Variants in PTPRF observed in about 807,000 individuals in gnomAD.
The protein encoded by PTPRF is receptor-type tyrosine-protein phosphatase F.
PTPRF carries 59 observed loss-of-function variants against 201.8 expected under a neutral mutation model. That is an observed-to-expected ratio of 0.29 (90% confidence interval 0.24 to 0.36). The LOEUF is 0.36. Ranked by LOEUF, PTPRF falls within the 10% of genes least tolerant of loss-of-function variation. The pLI is 1.00. For synonymous variants in PTPRF, 1,088 were observed against 1,089.7 expected, an observed-to-expected ratio of 1.00 and a Z score of 0.03; for missense variants, 2,132 against 2,690.5, an observed-to-expected ratio of 0.79 and a Z score of 4.59.
Position 43,588,967 on chromosome 1 carries a change from A to G in PTPRF, c.916A>G (p.Met306Val). ...YTCVAISSLG[M>V]IEATAQVTVK... ...CTGTGTGGCCATCTCCTCGCTGGGCATGATCGAGGCCACAGCCCAGGTCAC... is the reference window on the plus strand; with the variant it reads ...CTGTGTGGCCATCTCCTCGCTGGGCGTGATCGAGGCCACAGCCCAGGTCAC... The change falls in exon 8 of 34, where the codon ATG (methionine) becomes GTG (valine). Residue 306 changes from methionine to valine, a missense_variant. Met to Val is a conservative substitution (Grantham distance 21, BLOSUM62 1). Coordinates refer to ENST00000359947, the MANE Select transcript of PTPRF (RefSeq NM_002840.5). The surrounding 1 kb of genome is among the most constrained non-coding windows in gnomAD (Gnocchi z 5.3). 6.4e-7 allele frequency: 1 copy of G among 1,574,066 alleles called. No homozygotes were observed. Among genetic ancestry groups the G allele is most frequent in the Non-Finnish European group, 8.7e-7 (1 of 1,155,146 alleles).
At chr1:43,577,848 G>T (rs372169007) in intron 6 of PTPRF, among the ~76,000 whole-genome samples, 1 of 152,224 alleles carries the variant, frequency 6.6e-6, no homozygotes, top group African/African-American at 2.4e-5. Context: ...CCAGGGAGGG[G>T]TGTGCTGCCT....
At chr1:43,593,069 G>A (rs1349759219) in intron 11 of PTPRF, among the ~76,000 whole-genome samples, 1 of 152,216 alleles carries the variant, frequency 6.6e-6, no homozygotes, top group Non-Finnish European at 1.5e-5. Context: ...TGAGAGCCAT[G>A]TGATCACCCT....
At chr1:43,618,592 T>C (rs368166705) in intron 25 of PTPRF, 38 bp from the exon 26 acceptor site, 4 of 1,578,810 alleles carry the variant, frequency 2.5e-6, no homozygotes, top group African/African-American at 2.7e-5. Flanking sequence ...TCTGAGCCTG[T>C]GGGCTTCCTT....
At chr1:43,613,761 C>G in intron 23 of PTPRF, 46 bp downstream of exon 23, 1 of 1,515,642 alleles carries the variant, frequency 6.6e-7, no homozygotes. Flanking sequence ...CAGGCCTACC[C>G]AAACCAGCTC....
At chr1:43,587,674 A>G (rs1032100007) in intron 7 of PTPRF, among the ~76,000 whole-genome samples, 4 of 152,182 alleles carry the variant, frequency 2.6e-5, no homozygotes, top group Admixed American at 6.5e-5. Flanking sequence ...GCTCTTGGGT[A>G]CTGACTAGCC....
rs371089879 is a variant in PTPRF, at chr1:43,604,238, G to C, written c.3037+49G>C. The C allele has an allele frequency of 8.3e-5, 131 of 1,575,314 alleles. 1 individual carries two copies. In the African/African-American group the frequency reaches 1.3e-3, roughly 15 times the overall value. Reference sequence around the variant, plus strand: ...CCTTCCCGAGTGTGGCTGCATCTGGGGGTCTCTGCTCTCCTTGAGCCACTG... The same window carrying C: ...CCTTCCCGAGTGTGGCTGCATCTGGCGGTCTCTGCTCTCCTTGAGCCACTG... On this transcript the variant is annotated intron_variant, in intron 16 of 33. Coordinates refer to ENST00000359947, the MANE Select transcript of PTPRF (RefSeq NM_002840.5).
At chr1:43,574,097 A>G (rs972980197) in intron 6 of PTPRF, among the ~76,000 whole-genome samples, 1 of 145,780 alleles carries the variant, frequency 6.9e-6, no homozygotes, top group African/African-American at 2.5e-5. Flanking sequence ...CCCAGGTTCA[A>G]GCAATTCTCC....
intron 13 of PTPRF, 24 bp downstream of exon 13, chr1:43,598,937 G>A (rs1447332993): frequency 1.9e-6 from 3 of 1,606,930 alleles, no homozygotes; most frequent in Non-Finnish European, 2.5e-6. Context: ...TGGTGGTGGG[G>A]TGGCAGGGTG....
intron 3 of PTPRF, among the ~76,000 whole-genome samples, chr1:43,547,620 G>A (rs1644761699): frequency 6.6e-6 from 1 of 152,270 alleles, no homozygotes; most frequent in South Asian, 2.1e-4. Flanking sequence ...AGGCACCCCA[G>A]AGAATTGACA....
intron 33 of PTPRF, among the ~76,000 whole-genome samples, chr1:43,621,473 A>ACT (rs1192535999): frequency 6.6e-6 from 1 of 152,214 alleles, no homozygotes; most frequent in African/African-American, 2.4e-5. Context: ...ATACCACGGC[A>ACT]CTCCAGCCTG....
chr1:43,572,821 A>T (rs1002701539), intron 6 of PTPRF, among the ~76,000 whole-genome samples: 1 of 152,142 alleles, frequency 6.6e-6, no homozygotes, highest in African/African-American at 2.4e-5. Flanking sequence ...TTGGGGTCAC[A>T]CATCGAGACT....
chr1:43,596,554 T>C (rs184947412), intron 11 of PTPRF, among the ~76,000 whole-genome samples: 1 of 152,162 alleles, frequency 6.6e-6, no homozygotes, highest in Admixed American at 6.5e-5. Context: ...CCTCTGTTGG[T>C]GGGTACTTTT....
chr1:43,583,180 C>G, intron 7 of PTPRF: 1 of 886,058 alleles, frequency 1.1e-6, no homozygotes, highest in Non-Finnish European at 1.4e-6. Flanking sequence ...TCGGTCAGCT[C>G]CCTCAGGCTC....
At chr1:43,558,279 CA>C (rs940510797) in intron 5 of PTPRF, among the ~76,000 whole-genome samples, 2 of 152,022 alleles carry the variant, frequency 1.3e-5, no homozygotes, top group African/African-American at 4.8e-5. Flanking sequence ...AGTGTGCCCC[CA>C]AAAAGGAGTC....
At chr1:43,600,665 T>A (rs1291610014) in intron 13 of PTPRF, among the ~76,000 whole-genome samples, 1 of 151,012 alleles carries the variant, frequency 6.6e-6, no homozygotes, top group Non-Finnish European at 1.5e-5. Flanking sequence ...ACCCCCAGCC[T>A]GGAAGTGTGG....
Position 43,545,412 on chromosome 1 carries a change from G to C in PTPRF, c.91+246G>C, listed in dbSNP as rs577499041. On this transcript the variant is annotated intron_variant, in intron 3 of 33. Coordinates refer to ENST00000359947, the MANE Select transcript of PTPRF (RefSeq NM_002840.5). ...ATCGTGACCCTGTCTTATGGGGCTGGGGTGAGACCTGTCCTGGATTCATGT... is the reference window on the plus strand; with the variant it reads ...ATCGTGACCCTGTCTTATGGGGCTGCGGTGAGACCTGTCCTGGATTCATGT... Among the ~76,000 whole-genome samples, 33 of 152,266 alleles carry C rather than the reference G, an allele frequency of 2.2e-4. No homozygotes were observed. In the East Asian group the frequency reaches 6.0e-3, roughly 28 times the overall value.
chr1:43,535,999 G>A (rs1179196527), intron 1 of PTPRF, among the ~76,000 whole-genome samples: 2 of 152,078 alleles, frequency 1.3e-5, no homozygotes, highest in African/African-American at 4.8e-5. Flanking sequence ...TGAACTCCTG[G>A]CTCAAGTGAT....
chr1:43,529,352 G>GTGAA (rs1643260339), upstream of PTPRF, among the ~76,000 whole-genome samples: 1 of 152,204 alleles, frequency 6.6e-6, no homozygotes, highest in African/African-American at 2.4e-5. Context: ...AAAACAGGCA[G>GTGAA]TGAATCAGGT....
At chr1:43,562,215 TCTC>T (rs1281350913) in intron 5 of PTPRF, among the ~76,000 whole-genome samples, 1 of 151,920 alleles carries the variant, frequency 6.6e-6, no homozygotes, top group Non-Finnish European at 1.5e-5. Context: ...TTCAGATGAT[TCTC>T]CTGCCTCAGC....
Sources: gnomAD v4.1 joint callset for allele counts (sites outside exome capture counted in the v4.1 genomes callset) on GRCh38, gnomAD v4.1.1 for gene constraint, Gnocchi (gnomAD v3.1) non-coding constraint, MANE v1.5 for transcripts, NCBI Gene and HGNC (gene_info 2026-07-23, HGNC 2026-07-21) for gene names.